GMCL2: variants seen among roughly 807,000 people sequenced by gnomAD.
GMCL2 encodes germ cell-less protein-like 2.
GMCL2 carries 33 observed loss-of-function variants against 36.2 expected under a neutral mutation model. The ratio of observed to expected loss-of-function variants is 0.91; its 90% CI spans 0.69 to 1.22. The LOEUF (loss-of-function observed/expected upper bound fraction) is 1.22. GMCL2 is among the 50% of genes most tolerant of loss of function. GMCL2 has a pLI of 0.00. For missense variants in GMCL2, 478 were observed against 514.5 expected, an observed-to-expected ratio of 0.93 and a Z score of 0.69; for synonymous variants, 172 against 184.3, an observed-to-expected ratio of 0.93 and a Z score of 0.54.
In GMCL2 at chr5:178,185,960, C is replaced by G. The variant is rs142851172; in HGVS notation, c.1340G>C (p.Arg447Pro). 1.3e-6 allele frequency: 1 copy of G among 767,450 alleles called. No homozygotes were observed. The highest frequency in any genetic ancestry group is 1.7e-5 in the Admixed American group (1 of 58,182). 47.5% of individuals were successfully genotyped at this position (767,450 alleles called of 1,614,324 possible). The change falls in exon 1 of 1, where the codon CGG (arginine) becomes CCG (proline). Residue 447 changes from arginine (R) to proline (P), a missense_variant. Coordinates refer to ENST00000463439, the MANE Select transcript of GMCL2 (RefSeq NM_001358008.2). ...NQPRSGSVSL[R>P]PRRSIAFRLR... ...TCTAAATGCTATGCTCCTTCGAGGC[C>G]GTAAACTGACAGACCCGCTGCGTGG...
rs763522257 is a variant in GMCL2 at position 178,185,935 on chromosome 5, T to C, written c.1365A>G (p.Arg455=). 1 of 769,054 alleles carries C rather than the reference T, an allele frequency of 1.3e-6. No individual in the cohort carries two copies. Among genetic ancestry groups the C allele is most frequent in the East Asian group, 2.5e-5 (1 of 40,492 alleles). 47.6% of individuals were successfully genotyped at this position (769,054 alleles called of 1,614,324 possible). A position where few individuals can be genotyped will look rare whatever the true frequency, so the allele number is the denominator to read the frequency against. Residue 455 remains arginine (R), a synonymous_variant, in exon 1 of 1, where the codon AGA becomes AGG. Transcript: ENST00000463439. ...TACTATCAAAAGAAGCCAAGCGTAA[T>C]CTAAATGCTATGCTCCTTCGAGGCC... ...SLRPRRSIAF[R]LRLASFDSSG... is the part of the protein sequence containing the mutation.
Position 178,187,099 on chromosome 5 carries a change from G to A in GMCL2, c.201C>T (p.His67=), listed in dbSNP as rs1250192011. 1 of 1,054,094 alleles carries A rather than the reference G, an allele frequency of 9.5e-7. No homozygotes were observed. Among genetic ancestry groups the A allele is most frequent in the Non-Finnish European group, 1.4e-6 (1 of 691,858 alleles). The allele number at this position is 1,054,094 out of a possible 1,614,324, so 65.3% of individuals were successfully genotyped here. Residue 67 remains histidine (H), a synonymous_variant, in exon 1 of 1, where the codon CAC becomes CAT. Transcript: ENST00000463439. ...GACRYCDPDS[H]REEHEEEGDK... is the part of the protein sequence containing the mutation. The stretch of plus-strand genomic sequence containing the variant: ...CCCCCTCCTCCTCATGCTCCTCCCT[G>A]TGCGAGTCCGGGTCACAGTAGCGGC...
Position 178,187,229 on chromosome 5 carries a change from C to T in GMCL2, c.71G>A (p.Arg24Lys), listed in dbSNP as rs1307918714. The change falls in exon 1 of 1, where the codon AGG becomes AAG. Residue 24 changes from arginine to lysine, a missense_variant. Physicochemically the swap from Arg to Lys is conservative, Grantham distance 26. This residue lies in a region of GMCL2 where 127 missense variants were observed against 86.4 expected (regional missense o/e 1.47). Transcript: ENST00000463439. ...RALAQQEQGA[R>K]ARGSARRPDT... ...CGGCCTCCGGGCCGAGCCCCTGGCCCTGGCACCCTGTTCCTGCTGGGCAAG... is the reference window on the plus strand; with the variant it reads ...CGGCCTCCGGGCCGAGCCCCTGGCCTTGGCACCCTGTTCCTGCTGGGCAAG... 1.8e-6 allele frequency: 2 copies of T among 1,102,222 alleles called. No individual in the cohort carries two copies. Among genetic ancestry groups the T allele is most frequent in the Middle Eastern group, 2.0e-4 (1 of 5,110 alleles). 68.3% of individuals were successfully genotyped at this position (1,102,222 alleles called of 1,614,324 possible). A position where few individuals can be genotyped will look rare whatever the true frequency, so the allele number is the denominator to read the frequency against.
At position 178,184,551 on chromosome 5, in the gene GMCL2, T is replaced by A. The variant is rs188958752; in HGVS notation, c.*1168A>T. On this transcript the variant is annotated 3_prime_UTR_variant, in exon 1 of 1. Transcript: ENST00000463439. ...TATTTGCACAGATACATACAAATTA[T>A]TCCCATTTTAAAAGCCAGAATAAAA... Among the ~76,000 whole-genome samples, 19 of 152,324 alleles carry A rather than the reference T, an allele frequency of 1.2e-4. No homozygotes were observed. Among genetic ancestry groups the A allele is most frequent in the Admixed American group, 2.6e-4 (4 of 15,302 alleles).
Position 178,185,213 on chromosome 5 carries a change from T to G in GMCL2, c.*506A>C, listed in dbSNP as rs1756677265. Among the ~76,000 whole-genome samples the G allele has an allele frequency of 6.6e-6, 1 of 152,282 alleles. No homozygotes were observed. Among genetic ancestry groups the G allele is most frequent in the South Asian group, 2.1e-4 (1 of 4,826 alleles). On this transcript the variant is annotated 3_prime_UTR_variant, in exon 1 of 1. Transcript: ENST00000463439. ...AAACAAGTATGAACTGGAAAGATAT[T>G]AGACTAAAAGGAGGAATCATAATGA... is the stretch of plus-strand genomic sequence containing the variant.
rs1581147300 is a variant in GMCL2 at position 178,184,747 on chromosome 5, T to C, written c.*972A>G. On this transcript the variant is annotated 3_prime_UTR_variant, in exon 1 of 1. Transcript: ENST00000463439. ...TACATTAATGCGTCATCAGCTTCTA[T>C]GTTAGATCCTCTGACCTTATTTACA... Among the ~76,000 whole-genome samples the C allele has an allele frequency of 6.6e-6, 1 of 152,212 alleles. No individual in the cohort carries two copies. The highest frequency in any genetic ancestry group is 1.5e-5 in the Non-Finnish European group (1 of 68,034).
Position 178,186,279 on chromosome 5 carries a change from T to G in GMCL2, c.1021A>C (p.Ser341Arg), listed in dbSNP as rs925748358. 9.3e-7 allele frequency: 1 copy of G among 1,072,826 alleles called. No homozygotes were observed. Among genetic ancestry groups the G allele is most frequent in the Admixed American group, 1.7e-5 (1 of 59,354 alleles). 66.5% of individuals were successfully genotyped at this position (1,072,826 alleles called of 1,614,324 possible). A position where few individuals can be genotyped will look rare whatever the true frequency, so the allele number is the denominator to read the frequency against. Residue 341 changes from serine (S) to arginine (R), a missense_variant, in exon 1 of 1, where the codon AGT becomes CGT. Ser to Arg is a moderately radical substitution (Grantham distance 110). Transcript: ENST00000463439. The part of the protein sequence containing the change: ...FRHLRLQYII[S>R]DLASARIIEQ... ...ATAATTCTTGCAGAAGCTAGGTCAC[T>G]GATAATATATTGTAACCTTAAATGT...
rs3828691 is a variant in GMCL2, at chr5:178,187,365, C to T, written c.-66G>A. 0.19 allele frequency: 120,803 copies of T among 632,412 alleles called. 12,638 individuals are homozygous for T. The highest frequency in any genetic ancestry group is 0.29 in the East Asian group (10,348 of 35,482). 39.2% of individuals were successfully genotyped at this position (632,412 alleles called of 1,614,324 possible). Reference sequence around the variant, plus strand: ...GGGTCTCTGGCCATGGCCCGGCCGCCGCCGCCAGCCTTCCCCGAGCACAGG... The same window carrying T: ...GGGTCTCTGGCCATGGCCCGGCCGCTGCCGCCAGCCTTCCCCGAGCACAGG... On this transcript the variant is annotated 5_prime_UTR_variant, in exon 1 of 1. Coordinates refer to ENST00000463439, the MANE Select transcript of GMCL2 (RefSeq NM_001358008.2).
rs952290312 is a variant in GMCL2, at chr5:178,186,461, T to A, written c.839A>T (p.Lys280Ile). The change falls in exon 1 of 1, where the codon AAA (lysine) becomes ATA (isoleucine). Residue 280 changes from lysine to isoleucine, a missense_variant. By Grantham distance (102) the Lys-to-Ile change is moderately radical. Transcript: ENST00000463439. ...QVEMDVYTTL[K>I]KWMFLQLVPS... ...CACAAGTTGAAGGAACATCCACTTT[T>A]TTAGAGTGGTGTATACATCCATCTC... 1.5e-5 allele frequency: 23 copies of A among 1,571,268 alleles called. No homozygotes were observed. The highest frequency in any genetic ancestry group is 2.0e-5 in the Non-Finnish European group (23 of 1,141,048).
chr5:178,186,630 C>A, the GMCL2 span: 1 of 1,147,456 alleles, frequency 8.7e-7, no homozygotes, highest in Non-Finnish European at 1.3e-6. Context: ...GAATCTAATC[C>A]ATAGATCTCT....
In GMCL2 at chr5:178,187,242, C is replaced by T. The variant is rs1413158134; in HGVS notation, c.58G>A (p.Glu20Lys). 1.9e-6 allele frequency: 2 copies of T among 1,048,530 alleles called. No homozygotes were observed. Among genetic ancestry groups the T allele is most frequent in the East Asian group, 2.6e-5 (1 of 38,802 alleles). 65.0% of individuals were successfully genotyped at this position (1,048,530 alleles called of 1,614,324 possible). Residue 20 changes from glutamate to lysine, a missense_variant, in exon 1 of 1, where the codon GAA becomes AAA. Transcript: ENST00000463439. ...GQPRRALAQQ[E>K]QGARARGSAR... ...GAGCCCCTGGCCCTGGCACCCTGTT[C>T]CTGCTGGGCAAGGGCTCGCCTCGGC...
At position 178,186,911 on chromosome 5, in the gene GMCL2, C is replaced by A. The variant is rs1209841437; in HGVS notation, c.389G>T (p.Gly130Val). Residue 130 changes from glycine to valine, a missense_variant, in exon 1 of 1, where the codon GGC (glycine) becomes GTC (valine). Coordinates refer to ENST00000463439, the MANE Select transcript of GMCL2 (RefSeq NM_001358008.2). Reference sequence around the variant, plus strand: ...ACCACTGAACATACTAGAAAAGTAGCCAGATTGACATAAATATATTTTGTG... The same window carrying A: ...ACCACTGAACATACTAGAAAAGTAGACAGATTGACATAAATATATTTTGTG... ...RLHKIYLCQSGYFSSMFSGSW... is the reference protein window; with the variant it reads ...RLHKIYLCQSVYFSSMFSGSW... The A allele has an allele frequency of 6.3e-7, 1 of 1,594,644 alleles. No individual in the cohort carries two copies. Among genetic ancestry groups the A allele is most frequent in the Non-Finnish European group, 8.6e-7 (1 of 1,162,162 alleles).
Position 178,187,306 on chromosome 5 carries a change from C to G in GMCL2, c.-7G>C, listed in dbSNP as rs1235270550. On this transcript the variant is annotated 5_prime_UTR_variant, in exon 1 of 1. Transcript: ENST00000463439. ...GGCTGCTCGACGATCCCATGGGTCA[C>G]GGCTCCCCAGGACTTCAGGGAGCCC... The G allele has an allele frequency of 1.2e-6, 1 of 841,498 alleles. No individual in the cohort carries two copies. The highest frequency in any genetic ancestry group is 2.5e-5 in the Admixed American group (1 of 39,978). The allele number at this position is 841,498 out of a possible 1,614,324, so 52.1% of individuals were successfully genotyped here. A position where few individuals can be genotyped will look rare whatever the true frequency, so the allele number is the denominator to read the frequency against.
Position 178,185,796 on chromosome 5 carries a change from T to C in GMCL2, c.1504A>G (p.Ile502Val). ...GATATATACAAGAAGTTACAGCAGATATATAAAGGGAAGGTCAGAAACCTG... is the reference window on the plus strand; with the variant it reads ...GATATATACAAGAAGTTACAGCAGACATATAAAGGGAAGGTCAGAAACCTG... ...DSRFLTFPLYICCNFLYISPE... is the reference protein window; with the variant it reads ...DSRFLTFPLYVCCNFLYISPE... The change falls in exon 1 of 1, where the codon ATC becomes GTC. Residue 502 changes from isoleucine (I) to valine (V), a missense_variant. Ile to Val is a conservative substitution (Grantham distance 29, BLOSUM62 3). This residue lies in a region of GMCL2 where 135 missense variants were observed against 119.0 expected (regional missense o/e 1.13). Coordinates refer to ENST00000463439, the MANE Select transcript of GMCL2 (RefSeq NM_001358008.2). The C allele has an allele frequency of 1.0e-6, 1 of 970,350 alleles. No homozygotes were observed. The highest frequency in any genetic ancestry group is 1.7e-6 in the Non-Finnish European group (1 of 598,044). The allele number at this position is 970,350 out of a possible 1,614,324, so 60.1% of individuals were successfully genotyped here. A position where few individuals can be genotyped will look rare whatever the true frequency, so the allele number is the denominator to read the frequency against.
chr5:178,186,817 T>G lies in GMCL2; in HGVS notation c.483A>C (p.Ala161=), dbSNP rs1756706931. The change falls in exon 1 of 1, where the codon GCA becomes GCC. Residue 161 remains alanine (A), a synonymous_variant. Coordinates refer to ENST00000463439, the MANE Select transcript of GMCL2 (RefSeq NM_001358008.2). Reference sequence around the variant, plus strand: ...ACAGTGAACCAAACGCAACCTGCAGTGCGTCTACATCAATGTTCTGGTCAG... The same window carrying G: ...ACAGTGAACCAAACGCAACCTGCAGGGCGTCTACATCAATGTTCTGGTCAG... ...EIPDQNIDVD[A]LQVAFGSLYR... The G allele has an allele frequency of 1.9e-6, 3 of 1,609,914 alleles. No individual in the cohort carries two copies. The highest frequency in any genetic ancestry group is 1.7e-6 in the Non-Finnish European group (2 of 1,176,150).
In GMCL2 at chr5:178,185,976, C is replaced by A. The variant is rs763769820; in HGVS notation, c.1324G>T (p.Gly442Trp). Reference sequence around the variant, plus strand: ...CTTCGAGGCCGTAAACTGACAGACCCGCTGCGTGGCTGATTCAGTGTATTG... The same window carrying A: ...CTTCGAGGCCGTAAACTGACAGACCAGCTGCGTGGCTGATTCAGTGTATTG... ...KRNTLNQPRSGSVSLRPRRSI... is the reference protein window; with the variant it reads ...KRNTLNQPRSWSVSLRPRRSI... Residue 442 changes from glycine (G) to tryptophan (W), a missense_variant, in exon 1 of 1, where the codon GGG (glycine) becomes TGG (tryptophan). Gly to Trp is a radical substitution (Grantham distance 184, BLOSUM62 -2). Transcript: ENST00000463439. 1.3e-5 allele frequency: 10 copies of A among 767,242 alleles called. No individual in the cohort carries two copies. In the African/African-American group the frequency reaches 1.7e-4, roughly 13 times the overall value. The allele number at this position is 767,242 out of a possible 1,614,324, so 47.5% of individuals were successfully genotyped here. A position where few individuals can be genotyped will look rare whatever the true frequency, so the allele number is the denominator to read the frequency against.
At position 178,184,626 on chromosome 5, in the gene GMCL2, A is replaced by G. The variant is rs1756668652; in HGVS notation, c.*1093T>C. On this transcript the variant is annotated 3_prime_UTR_variant, in exon 1 of 1. Transcript: ENST00000463439. Reference sequence around the variant, plus strand: ...TACTCTAACTGGAAAGAAAATGAACATGGCTCTATTCAAAACAGCAGTAAA... The same window carrying G: ...TACTCTAACTGGAAAGAAAATGAACGTGGCTCTATTCAAAACAGCAGTAAA... 6.6e-6 allele frequency among the ~76,000 whole-genome samples: 1 copy of G among 152,228 alleles called. No individual in the cohort carries two copies. The highest frequency in any genetic ancestry group is 1.5e-5 in the Non-Finnish European group (1 of 68,032).
In GMCL2 at chr5:178,187,166, T is replaced by C; in HGVS notation, c.134A>G (p.Tyr45Cys). ...CTTGCGCTTGTGACTGCCCGGGCAG[T>C]AACAGAAGCCGTAGCTCGCCGCATC... ...GDDAASYGFCYCPGSHKRKRS... is the reference protein window; with the variant it reads ...GDDAASYGFCCCPGSHKRKRS... The change falls in exon 1 of 1, where the codon TAC becomes TGC. Residue 45 changes from tyrosine (Y) to cysteine (C), a missense_variant. Around this residue, in one of 5 missense-constraint regions of GMCL2, gnomAD observed 127 missense variants for 86.4 expected, o/e 1.47. Transcript: ENST00000463439. The C allele has an allele frequency of 8.2e-7, 1 of 1,222,872 alleles. No individual in the cohort carries two copies. Among genetic ancestry groups the C allele is most frequent in the Non-Finnish European group, 1.2e-6 (1 of 847,082 alleles). The allele number at this position is 1,222,872 out of a possible 1,614,324, so 75.8% of individuals were successfully genotyped here.
chr5:178,187,231 G>T lies in GMCL2; in HGVS notation c.69C>A (p.Ala23=). 9.1e-7 allele frequency: 1 copy of T among 1,094,506 alleles called. No homozygotes were observed. The highest frequency in any genetic ancestry group is 1.4e-6 in the Non-Finnish European group (1 of 734,242). The allele number at this position is 1,094,506 out of a possible 1,614,324, so 67.8% of individuals were successfully genotyped here. The change falls in exon 1 of 1, where the codon GCC becomes GCA. Residue 23 remains alanine, a synonymous_variant. Coordinates refer to ENST00000463439, the MANE Select transcript of GMCL2 (RefSeq NM_001358008.2). ...GCCTCCGGGCCGAGCCCCTGGCCCT[G>T]GCACCCTGTTCCTGCTGGGCAAGGG... The part of the protein sequence containing the change: ...RRALAQQEQG[A]RARGSARRPD...
Sources: gnomAD v4.1 joint callset for allele counts (sites outside exome capture counted in the v4.1 genomes callset) on GRCh38, gnomAD v4.1.1 for gene constraint, gnomAD v4.1.1 regional missense constraint, MANE v1.5 for transcripts, NCBI Gene and HGNC (gene_info 2026-07-23, HGNC 2026-07-21) for gene names.